The following NEMF variants were observed in gnomAD, a reference collection of about 807,000 sequenced individuals.
NEMF encodes the protein ribosome quality control complex subunit NEMF.
In NEMF, 89 loss-of-function variants were observed where a neutral mutation model predicts 162.2. That is an observed-to-expected ratio of 0.55 (90% CI 0.46 to 0.65). The LOEUF (loss-of-function observed/expected upper bound fraction) is 0.65. NEMF is among the 30% of genes least tolerant of loss of function. The probability of loss-of-function intolerance (pLI) is 0.00; values close to 1 mark genes in which losing one functional copy is unlikely to be tolerated. For missense variants in NEMF, 1,133 were observed against 1,261.9 expected (o/e 0.90, Z 1.55); for synonymous variants, 421 against 404.5 (o/e 1.04, Z -0.49).
Position 49,828,824 on chromosome 14 carries a change from A to G in NEMF, c.1233-17T>C, listed in dbSNP as rs967769277. On this transcript the variant is annotated splice_polypyrimidine_tract_variant and intron_variant, in intron 13 of 32. Transcript: ENST00000298310. The stretch of plus-strand genomic sequence containing the variant: ...TATGGATTTCTATTAAAAATATTCA[A>G]TAGCATTTCACTAACGTCAATGACA... The G allele has an allele frequency of 6.6e-7, 1 of 1,506,238 alleles. No homozygotes were observed. Among genetic ancestry groups the G allele is most frequent in the Non-Finnish European group, 8.9e-7 (1 of 1,121,094 alleles). 93.3% of individuals were successfully genotyped at this position (1,506,238 alleles called of 1,614,324 possible).
chr14:49,834,530 C>G, intron 6 of NEMF, 81 bp from the exon 7 acceptor site: 1 of 1,003,950 alleles, frequency 1.0e-6, no homozygotes, highest in Non-Finnish European at 1.5e-6. Flanking sequence ...GAGTTTTACC[C>G]GTCGCCCAGG....
At chr14:49,834,060 C>A in intron 7 of NEMF, 2 of 482,522 alleles carry the variant, frequency 4.1e-6, no homozygotes, top group South Asian at 1.7e-5. Context: ...AAATCTCATT[C>A]AATTTTTTTT....
chr14:49,834,062 A>G, intron 7 of NEMF: 1 of 400,646 alleles, frequency 2.5e-6, no homozygotes, highest in South Asian at 2.2e-5. Flanking sequence ...ATCTCATTCA[A>G]TTTTTTTTTT....
chr14:49,798,495 G>A (rs964748143), intron 25 of NEMF, among the ~76,000 whole-genome samples: 7 of 152,152 alleles, frequency 4.6e-5, no homozygotes, highest in Non-Finnish European at 1.0e-4. Flanking sequence ...CTTGGTGATG[G>A]TTTTGTGACC....
chr14:49,809,606 T>C (rs1891376902), intron 18 of NEMF, among the ~76,000 whole-genome samples: 1 of 152,226 alleles, frequency 6.6e-6, no homozygotes, highest in African/African-American at 2.4e-5. Flanking sequence ...CTCATGCCTG[T>C]AATCCCAGCA....
intron 25 of NEMF, among the ~76,000 whole-genome samples, chr14:49,797,154 G>T (rs1371690789): frequency 6.6e-6 from 1 of 152,048 alleles, no homozygotes; most frequent in Non-Finnish European, 1.5e-5. Context: ...TATGTGCTCA[G>T]AATTCTCTGT....
At chr14:49,845,722 A>G (rs1893466995) in intron 4 of NEMF, among the ~76,000 whole-genome samples, 1 of 152,216 alleles carries the variant, frequency 6.6e-6, no homozygotes, top group Non-Finnish European at 1.5e-5. Context: ...AGATGTCACT[A>G]AGCAGTAAGA....
rs112726841 is a variant in NEMF, at chr14:49,802,755, T to C, written c.1916-28A>G. 2.7e-4 allele frequency: 425 copies of C among 1,554,294 alleles called. 1 individual carries two copies. The African/African-American group carries it at 4.4e-3, about 16-fold the overall frequency. On this transcript the variant is annotated intron_variant, in intron 20 of 32. Coordinates refer to ENST00000298310, the MANE Select transcript of NEMF (RefSeq NM_004713.6). Reference sequence around the variant, plus strand: ...ACAAAAGATAACGTACATTAATGCTTTGAAAATCAGTCTTCTCCATTTTTT... The same window carrying C: ...ACAAAAGATAACGTACATTAATGCTCTGAAAATCAGTCTTCTCCATTTTTT...
intron 3 of NEMF, among the ~76,000 whole-genome samples, chr14:49,850,016 A>AT (rs1202728508): frequency 1.3e-5 from 2 of 152,232 alleles, no homozygotes; most frequent in Non-Finnish European, 2.9e-5. Flanking sequence ...ACTCAATGCC[A>AT]TAACAGATAC....
intron 18 of NEMF, among the ~76,000 whole-genome samples, chr14:49,812,252 G>T (rs116256235): frequency 2.0e-5 from 3 of 151,982 alleles, no homozygotes; most frequent in African/African-American, 7.2e-5. Flanking sequence ...CTGTAAAGTC[G>T]GAAGTAATGT....
rs900387216 is a variant in NEMF at position 49,840,793 on chromosome 14, T to C, written c.431A>G (p.Asp144Gly). The part of the protein sequence containing the change: ...ILRFRTDEAD[D>G]VKFAVRERYP... ...GCGTTCACGAACAGCAAATTTAACA[T>C]CATCTGCCTCATCAGTTCGAAACCT... is the stretch of plus-strand genomic sequence containing the variant. The change falls in exon 5 of 33, where the codon GAT becomes GGT. Residue 144 changes from aspartate (D) to glycine (G), a missense_variant. By Grantham distance (94) the Asp-to-Gly change is moderately conservative. This residue lies in a region of NEMF where 582 missense variants were observed against 631.5 expected (regional missense o/e 0.92). Transcript: ENST00000298310. 6.2e-7 allele frequency: 1 copy of C among 1,613,712 alleles called. No individual in the cohort carries two copies. The highest frequency in any genetic ancestry group is 8.5e-7 in the Non-Finnish European group (1 of 1,179,778).
chr14:49,851,093 A>T (rs1893751672), intron 3 of NEMF, among the ~76,000 whole-genome samples: 1 of 152,144 alleles, frequency 6.6e-6, no homozygotes, highest in South Asian at 2.1e-4. Context: ...AATCCCAGCT[A>T]CTGAGGAGGC....
intron 22 of NEMF, chr14:49,800,906 A>T (rs1478106541): frequency 1.2e-5 from 6 of 494,878 alleles, no homozygotes; most frequent in African/African-American, 9.8e-5. Flanking sequence ...AAGATCCTTT[A>T]CCACAATAAA....
intron 26 of NEMF, among the ~76,000 whole-genome samples, chr14:49,790,209 T>G (rs996629424): frequency 6.6e-6 from 1 of 152,112 alleles, no homozygotes; most frequent in Non-Finnish European, 1.5e-5. Flanking sequence ...TCAATTAGAA[T>G]TTAAAAATGC....
At chr14:49,797,711 T>C (rs2139847589) in intron 25 of NEMF, among the ~76,000 whole-genome samples, 1 of 152,364 alleles carries the variant, frequency 6.6e-6, no homozygotes, top group East Asian at 1.9e-4. Context: ...TCATATTTAT[T>C]CCTGACAATA....
chr14:49,794,619 TAAAAAA>T (rs397852715), intron 26 of NEMF, among the ~76,000 whole-genome samples: 1 of 90,364 alleles, frequency 1.1e-5, no homozygotes, highest in Non-Finnish European at 2.2e-5. Flanking sequence ...ACCCTGTCTC[TAAAAAA>T]AAAAAAAAAA....
chr14:49,822,671 A>T (rs1458715760), intron 16 of NEMF, among the ~76,000 whole-genome samples: 110 of 866 alleles, frequency 0.13, no homozygotes, highest in Non-Finnish European at 0.18. Context: ...CTCTACTTAA[A>T]AAAAAAAAAA....
At chr14:49,796,880 T>G (rs1236483734) in intron 25 of NEMF, among the ~76,000 whole-genome samples, 1 of 152,138 alleles carries the variant, frequency 6.6e-6, no homozygotes, top group East Asian at 1.9e-4. Context: ...AAAGAAGCAC[T>G]CCCCTTTGTT....
chr14:49,851,712 CTAATTGCTAAACAGGCTTAAA>C, intron 2 of NEMF, 47 bp from the exon 3 acceptor site: 1 of 1,519,948 alleles, frequency 6.6e-7, no homozygotes, highest in Non-Finnish European at 9.1e-7. Flanking sequence ...TATGCCAAAG[CTAATTGCTAAACAGGCTTAAA>C]ATGTAGGTTA....
Sources: allele counts gnomAD v4.1 joint callset (sites outside exome capture counted in the v4.1 genomes callset), GRCh38; gene constraint gnomAD v4.1.1; regional missense constraint gnomAD v4.1.1; transcripts MANE v1.5; gene names NCBI Gene and HGNC (gene_info 2026-07-23, HGNC 2026-07-21).